Variants in AFF2 observed in about 807,000 individuals in gnomAD.
AFF2 encodes ALF transcription elongation factor 2, also known as AF4/FMR2 family member 2.
A neutral mutation model predicts 76.9 loss-of-function variants in AFF2; 14 were observed. The ratio of observed to expected loss-of-function variants is 0.18; its 90% confidence interval spans 0.12 to 0.28. The LOEUF is 0.28. AFF2 is among the 10% of genes least tolerant of loss of function. AFF2 has a pLI of 1.00. For missense variants in AFF2, 868 were observed against 1,001.1 expected (o/e 0.87, Z 1.79); for synonymous variants, 398 against 366.7 (o/e 1.09, Z -0.98).
At chrX:148,512,302 T>C (rs1377350268) in intron 1 of AFF2, among the ~76,000 whole-genome samples, 2 of 112,232 alleles carry the variant, frequency 1.8e-5, no homozygotes, top group Non-Finnish European at 3.8e-5. Flanking sequence ...AGACTGTAAG[T>C]GGTAAAACTT....
At chrX:148,885,570 T>A (rs1304052186) in intron 7 of AFF2, among the ~76,000 whole-genome samples, 2 of 111,582 alleles carry the variant, frequency 1.8e-5, no homozygotes, top group Non-Finnish European at 3.8e-5. Flanking sequence ...ACATCCCACA[T>A]ACACAGTGAT....
chrX:148,572,752 G>T (rs2053243780), intron 1 of AFF2, among the ~76,000 whole-genome samples: 1 of 111,267 alleles, frequency 9.0e-6, no homozygotes, highest in African/African-American at 3.3e-5. Context: ...GGGGCTGCTG[G>T]GAGGGGAGAA....
chrX:148,872,374 T>C (rs2124098991), intron 7 of AFF2, among the ~76,000 whole-genome samples: 1 of 111,861 alleles, frequency 8.9e-6, no homozygotes, highest in Non-Finnish European at 1.9e-5. Context: ...AATCATGTGA[T>C]ATGTGGCCTT....
rs1331982422 is a variant in AFF2, at chrX:148,996,927, C to G, written c.*5595C>G. ...TGCTATTTGTAACTTTTACATGTAA[C>G]TAGGATAAAGTATTTACGGGAACTC... On this transcript the variant is annotated 3_prime_UTR_variant, in exon 21 of 21. Transcript: ENST00000370460. 2 of 111,764 alleles carry G rather than the reference C, an allele frequency of 1.8e-5. No individual in the cohort carries two copies. The highest frequency in any genetic ancestry group is 6.5e-5 in the African/African-American group (2 of 30,625). 9.2% of individuals were successfully genotyped at this position (111,764 alleles called of 1,213,427 possible). A position where few individuals can be genotyped will look rare whatever the true frequency, so the allele number is the denominator to read the frequency against.
At chrX:148,877,690 A>G (rs1373095110) in intron 7 of AFF2, among the ~76,000 whole-genome samples, 1 of 112,319 alleles carries the variant, frequency 8.9e-6, no homozygotes, top group African/African-American at 3.2e-5. Flanking sequence ...AAAGCACTCC[A>G]AGCTAAAGTG....
At chrX:148,794,852 G>A (rs2069947041) in intron 3 of AFF2, among the ~76,000 whole-genome samples, 1 of 111,532 alleles carries the variant, frequency 9.0e-6, no homozygotes, top group South Asian at 3.8e-4. Flanking sequence ...ATAAATCTAT[G>A]TTAAACAACA....
chrX:148,952,116 A>T (rs1331140808), intron 9 of AFF2, among the ~76,000 whole-genome samples: 1 of 111,840 alleles, frequency 8.9e-6, no homozygotes, highest in Non-Finnish European at 1.9e-5. Flanking sequence ...CTTCCCAAGC[A>T]GCAGCTCAGT....
At chrX:148,573,838 G>C (rs1182601389) in intron 1 of AFF2, among the ~76,000 whole-genome samples, 1 of 111,279 alleles carries the variant, frequency 9.0e-6, no homozygotes, top group Non-Finnish European at 1.9e-5. Context: ...GAAAAATCAT[G>C]ATTCCACAGT....
intron 4 of AFF2, among the ~76,000 whole-genome samples, chrX:148,819,344 A>G (rs1557272392): frequency 9.0e-6 from 1 of 111,522 alleles, no homozygotes; most frequent in Non-Finnish European, 1.9e-5. Context: ...GTATGTTTAA[A>G]TTTATAAAAA....
chrX:148,520,464 G>A (rs994515613), intron 1 of AFF2, among the ~76,000 whole-genome samples: 2 of 111,927 alleles, frequency 1.8e-5, no homozygotes, highest in Admixed American at 1.9e-4. Context: ...GGCTCCAGGT[G>A]GTAGGCACCC....
At chrX:148,756,168 T>C (rs1297123822) in intron 3 of AFF2, among the ~76,000 whole-genome samples, 1 of 112,576 alleles carries the variant, frequency 8.9e-6, no homozygotes, top group Non-Finnish European at 1.9e-5. Context: ...ACAATAATAG[T>C]GCCTACCTTA....
intron 7 of AFF2, among the ~76,000 whole-genome samples, chrX:148,869,433 G>GCATA (rs1303387003): frequency 3.6e-5 from 4 of 112,112 alleles, no homozygotes; most frequent in African/African-American, 9.7e-5. Context: ...ATGAAGGAAT[G>GCATA]CATACATACA....
intron 1 of AFF2, among the ~76,000 whole-genome samples, chrX:148,542,299 C>T (rs1417708094): frequency 6.5e-5 from 7 of 107,687 alleles, no homozygotes; most frequent in Non-Finnish European, 1.3e-4. Context: ...TTTGGCTCTA[C>T]AGCCCTTAGC....
intron 1 of AFF2, among the ~76,000 whole-genome samples, chrX:148,551,482 G>GAAAA (rs781883999): frequency 7.1e-4 from 27 of 37,975 alleles, no homozygotes; most frequent in African/African-American, 2.3e-3. Flanking sequence ...GCTGGGAAGT[G>GAAAA]AAAAAAAAAA....
intron 11 of AFF2, 38 bp from the exon 12 acceptor site, chrX:148,958,299 T>G (rs2072065861): frequency 8.3e-7 from 1 of 1,205,034 alleles, no homozygotes; most frequent in East Asian, 3.0e-5. Flanking sequence ...AATGGTGCCA[T>G]GCATTTCAAG....
At chrX:148,793,477 A>T (rs1313588903) in intron 3 of AFF2, among the ~76,000 whole-genome samples, 1 of 111,772 alleles carries the variant, frequency 8.9e-6, no homozygotes, top group Non-Finnish European at 1.9e-5. Flanking sequence ...TTCAGAAGTA[A>T]GGTGGGGCAC....
chrX:148,683,163 C>CTGT (rs2054567395), intron 3 of AFF2, among the ~76,000 whole-genome samples: 1 of 111,641 alleles, frequency 9.0e-6, no homozygotes, highest in African/African-American at 3.3e-5. Context: ...ACTTTCTCAG[C>CTGT]TGTATCAGAG....
intron 3 of AFF2, among the ~76,000 whole-genome samples, chrX:148,782,333 C>T (rs190117870): frequency 5.2e-3 from 576 of 111,674 alleles, no homozygotes; most frequent in Non-Finnish European, 6.4e-3. Flanking sequence ...GATAGACAAG[C>T]CTGTGTTCTT....
chrX:148,806,757 T>C (rs2070140363), intron 3 of AFF2, among the ~76,000 whole-genome samples: 1 of 112,079 alleles, frequency 8.9e-6, no homozygotes, highest in African/African-American at 3.2e-5. Context: ...GGTTTCTAAT[T>C]GTTTGTTTTC....
Sources: allele counts gnomAD v4.1 joint callset (sites outside exome capture counted in the v4.1 genomes callset), GRCh38; gene constraint gnomAD v4.1.1; transcripts MANE v1.5; gene names NCBI Gene and HGNC (gene_info 2026-07-23, HGNC 2026-07-21).